Variants in TOPBP1 observed in about 807,000 individuals in gnomAD.
The protein encoded by TOPBP1 is DNA topoisomerase 2-binding protein 1.
Under a neutral mutation model 167.7 loss-of-function variants are expected in TOPBP1, and 28 were observed. The observed-to-expected ratio is 0.17, with a 90% confidence interval of 0.12 to 0.23. The LOEUF (loss-of-function observed/expected upper bound fraction) is 0.23. Among genes scored for constraint, TOPBP1 ranks in the 10% least tolerant of loss-of-function variants. The probability of loss-of-function intolerance (pLI) is 1.00; values close to 1 mark genes in which losing one functional copy is unlikely to be tolerated. For synonymous variants in TOPBP1, 598 were observed against 611.4 expected, an observed-to-expected ratio of 0.98 and a Z score of 0.32; for missense variants, 1,554 against 1,809.6, an observed-to-expected ratio of 0.86 and a Z score of 2.56.
intron 14 of TOPBP1, among the ~76,000 whole-genome samples, chr3:133,636,075 T>G (rs1019882618): frequency 1.9e-4 from 13 of 68,176 alleles, no homozygotes; most frequent in Admixed American, 1.0e-3. Flanking sequence ...ATAACAAAAC[T>G]ATAGTTATTA....
intron 10 of TOPBP1, among the ~76,000 whole-genome samples, chr3:133,648,924 A>C (rs1375817419): frequency 6.6e-6 from 1 of 151,654 alleles, no homozygotes; most frequent in Non-Finnish European, 1.5e-5. Context: ...TGGCTATATT[A>C]GGTATTTTAT....
chr3:133,658,085 A>C, intron 3 of TOPBP1, 144 bp from the exon 4 acceptor site: 2 of 603,896 alleles, frequency 3.3e-6, no homozygotes, highest in Non-Finnish European at 5.4e-6. Context: ...AGAAAAAAAT[A>C]AAGATGACTA....
At chr3:133,616,504 A>G (rs959312012) in intron 23 of TOPBP1, among the ~76,000 whole-genome samples, 2 of 152,250 alleles carry the variant, frequency 1.3e-5, no homozygotes, top group Non-Finnish European at 2.9e-5. Context: ...TTTCAAGTTC[A>G]TTAAAATGTG....
chr3:133,638,770 A>T (rs960743892), intron 13 of TOPBP1, among the ~76,000 whole-genome samples: 5 of 152,118 alleles, frequency 3.3e-5, no homozygotes, highest in Admixed American at 6.6e-5. Flanking sequence ...TCTTCCACCT[A>T]TGCCTTCCAC....
At chr3:133,602,009 G>C (rs1226024261) in intron 27 of TOPBP1, among the ~76,000 whole-genome samples, 2 of 152,204 alleles carry the variant, frequency 1.3e-5, no homozygotes, top group East Asian at 3.9e-4. Context: ...CAAGCAAATG[G>C]GGGGCTGGGG....
At chr3:133,603,176 G>A (rs1264982953) in intron 27 of TOPBP1, among the ~76,000 whole-genome samples, 3 of 152,102 alleles carry the variant, frequency 2.0e-5, no homozygotes, top group Non-Finnish European at 4.4e-5. Context: ...GATTACAGGC[G>A]TGAGCCACCA....
At position 133,656,743 on chromosome 3, in the gene TOPBP1, C is replaced by T. The variant is rs1445406555; in HGVS notation, c.478G>A (p.Ala160Thr). The T allele has an allele frequency of 8.1e-6, 13 of 1,613,006 alleles. No individual in the cohort carries two copies. Among genetic ancestry groups the T allele is most frequent in the African/African-American group, 1.3e-5 (1 of 74,958 alleles). Residue 160 changes from alanine to threonine, a missense_variant, in exon 5 of 28, where the codon GCA (alanine) becomes ACA (threonine). Ala to Thr is a moderately conservative substitution (Grantham distance 58). Coordinates refer to ENST00000260810, the MANE Select transcript of TOPBP1 (RefSeq NM_007027.4). ...AGCAAAATAGGTTTCTTCAGGTTTGCAGCAACTAAATATTTTTTGCTACCA... is the reference window on the plus strand; with the variant it reads ...AGCAAAATAGGTTTCTTCAGGTTTGTAGCAACTAAATATTTTTTGCTACCA... ...EVGSKKYLVA[A>T]NLKKPILLPS... is the part of the protein sequence containing the mutation.
intron 7 of TOPBP1, 88 bp downstream of exon 7, chr3:133,653,257 C>T: frequency 8.1e-7 from 1 of 1,234,356 alleles, no homozygotes; most frequent in Non-Finnish European, 1.1e-6. Context: ...AAGAAATTCC[C>T]TATCTCAGTG....
intron 27 of TOPBP1, among the ~76,000 whole-genome samples, chr3:133,604,873 T>C (rs540979241): frequency 1.3e-5 from 2 of 151,642 alleles, no homozygotes; most frequent in East Asian, 1.9e-4. Context: ...GAGCTGATAT[T>C]GCCCCACTGC....
chr3:133,660,145 T>G (rs748885655), intron 2 of TOPBP1, among the ~76,000 whole-genome samples: 3 of 152,178 alleles, frequency 2.0e-5, no homozygotes, highest in African/African-American at 4.8e-5. Context: ...GCAACATTCT[T>G]CTCCAGATAT....
In TOPBP1 at chr3:133,618,277, G is replaced by A; in HGVS notation, c.3528C>T (p.Asp1176=). Residue 1176 remains aspartate (D), a synonymous_variant, in exon 21 of 28, where the codon GAC becomes GAT. Coordinates refer to ENST00000260810, the MANE Select transcript of TOPBP1 (RefSeq NM_007027.4). ...AAGGAGAATCCTCCAAGTTTTGAAT[G>A]TCAACCTGAAGCTCAGAGTATTGTG... ...CPTQYSELQV[D]IQNLEDSPFQ... The A allele has an allele frequency of 5.6e-6, 9 of 1,613,998 alleles. No homozygotes were observed. Among genetic ancestry groups the A allele is most frequent in the Non-Finnish European group, 7.6e-6 (9 of 1,179,866 alleles).
chr3:133,650,635 G>T (rs914333893), intron 8 of TOPBP1, among the ~76,000 whole-genome samples: 1 of 151,748 alleles, frequency 6.6e-6, no homozygotes. Flanking sequence ...TTTTACATAA[G>T]GTGCCCTTAA....
intron 4 of TOPBP1, 47 bp downstream of exon 4, chr3:133,657,751 A>C: frequency 1.4e-6 from 2 of 1,398,582 alleles, no homozygotes; most frequent in Non-Finnish European, 1.9e-6. Context: ...ATTAAGAATA[A>C]GAGATAGATA....
At chr3:133,618,979 A>T (rs962815381) in intron 20 of TOPBP1, among the ~76,000 whole-genome samples, 2 of 152,112 alleles carry the variant, frequency 1.3e-5, no homozygotes, top group African/African-American at 4.8e-5. Flanking sequence ...AATTACAGGG[A>T]AGTGCATTTT....
chr3:133,661,062 A>G lies in TOPBP1; in HGVS notation c.66T>C (p.Cys22=). The G allele has an allele frequency of 1.3e-6, 2 of 1,595,064 alleles. No homozygotes were observed. Among genetic ancestry groups the G allele is most frequent in the Non-Finnish European group, 1.7e-6 (2 of 1,173,506 alleles). ...CTCTTACCTCGAGAGCTTTAAAAAA[A>G]CATTTGGAATTGTCTGAAGACTTTA... ...KFLKSSDNSK[C]FFKALESIKE... The change falls in exon 2 of 28, where the codon TGT becomes TGC. Residue 22 remains cysteine, a synonymous_variant. Transcript: ENST00000260810.
Position 133,617,185 on chromosome 3 carries a change from G to T in TOPBP1, c.3734C>A (p.Pro1245His), listed in dbSNP as rs773409775. The T allele has an allele frequency of 1.7e-5, 27 of 1,612,252 alleles. No homozygotes were observed. The Admixed American group carries it at 4.2e-4, about 25-fold the overall frequency. ...CTTTTCTCTAGGGTGCGGAGCCACA[G>T]GGGGGTTGGCGAGTGGAAAGGCAAT... ...PSIAFPLANP[P>H]VAPHPREKII... The change falls in exon 22 of 28, where the codon CCT (proline) becomes CAT (histidine). Residue 1245 changes from proline to histidine, a missense_variant. Pro to His is a moderately conservative substitution (Grantham distance 77). Transcript: ENST00000260810.
intron 19 of TOPBP1, among the ~76,000 whole-genome samples, chr3:133,622,285 A>C (rs1441176958): frequency 2.1e-5 from 3 of 144,320 alleles, no homozygotes; most frequent in African/African-American, 7.8e-5. Flanking sequence ...CCGCCTCCCG[A>C]GTTCAAGCGA....
intron 10 of TOPBP1, among the ~76,000 whole-genome samples, chr3:133,646,775 C>T (rs1936090488): frequency 2.0e-5 from 3 of 151,960 alleles, no homozygotes; most frequent in South Asian, 2.1e-4. Context: ...TTTTGTAGTA[C>T]GGAAATAGTG....
chr3:133,633,699 G>T (rs1248718640), intron 14 of TOPBP1, among the ~76,000 whole-genome samples: 1 of 152,202 alleles, frequency 6.6e-6, no homozygotes, highest in Non-Finnish European at 1.5e-5. Context: ...GGCAGAGGTG[G>T]AAGTATTGCT....
Sources: allele counts gnomAD v4.1 joint callset (sites outside exome capture counted in the v4.1 genomes callset), GRCh38; gene constraint gnomAD v4.1.1; transcripts MANE v1.5; gene names NCBI Gene and HGNC (gene_info 2026-07-23, HGNC 2026-07-21).